PRELID2: variants seen among roughly 807,000 people sequenced by gnomAD.
PRELID2 encodes the protein PRELI domain containing 2.
Under a neutral mutation model 28.4 loss-of-function variants are expected in PRELID2, and 25 were observed. That is an observed-to-expected ratio of 0.88 (90% CI 0.64 to 1.23). The LOEUF is 1.23. Ranked by LOEUF, PRELID2 falls within the 50% of genes most tolerant of loss-of-function variation. The pLI is 0.00. For missense variants in PRELID2, 201 were observed against 214.4 expected, an observed-to-expected ratio of 0.94 and a Z score of 0.39; for synonymous variants, 76 against 71.6, an observed-to-expected ratio of 1.06 and a Z score of -0.31.
chr5:145,374,667 C>G, the PRELID2 span, among the ~76,000 whole-genome samples: 40 of 151,700 alleles, frequency 2.6e-4, no homozygotes, highest in Non-Finnish European at 5.4e-4. Flanking sequence ...TTCTTGGAGG[C>G]TTTGTTCATT....
intron 1 of PRELID2, among the ~76,000 whole-genome samples, chr5:145,549,400 A>G (rs1032959648): frequency 2.0e-5 from 3 of 152,196 alleles, no homozygotes; most frequent in Non-Finnish European, 4.4e-5. Flanking sequence ...TAGATACCAA[A>G]CTAGTATTTA....
the PRELID2 span, among the ~76,000 whole-genome samples, chr5:145,282,054 C>A: frequency 6.6e-6 from 1 of 152,038 alleles, no homozygotes; most frequent in African/African-American, 2.4e-5. Context: ...TAAGAATAGC[C>A]TTTTTAATAC....
At chr5:145,684,517 T>C (rs61352712) in intron 1 of PRELID2, among the ~76,000 whole-genome samples, 1 of 152,192 alleles carries the variant, frequency 6.6e-6, no homozygotes, top group Admixed American at 6.6e-5. Flanking sequence ...ATTTTGTGCT[T>C]GCCCATGTGC....
At chr5:145,417,553 T>C in the PRELID2 span, among the ~76,000 whole-genome samples, 2,959 of 152,212 alleles carry the variant, frequency 0.019, 101 homozygotes, top group African/African-American at 0.067. Flanking sequence ...TCCACCATGA[T>C]CAAGTTGGCT....
chr5:145,527,139 G>C (rs528948130), intron 1 of PRELID2, among the ~76,000 whole-genome samples: 1 of 152,170 alleles, frequency 6.6e-6, no homozygotes, highest in Non-Finnish European at 1.5e-5. Flanking sequence ...AAATGGCTGT[G>C]TCTATAAAAG....
intron 1 of PRELID2, among the ~76,000 whole-genome samples, chr5:145,520,292 G>A (rs1361060303): frequency 6.6e-6 from 1 of 152,140 alleles, no homozygotes; most frequent in African/African-American, 2.4e-5. Flanking sequence ...TTCTGAACTG[G>A]TGGTAAAGGC....
At chr5:145,512,752 T>C (rs769950887) in intron 1 of PRELID2, among the ~76,000 whole-genome samples, 7 of 152,102 alleles carry the variant, frequency 4.6e-5, no homozygotes, top group African/African-American at 7.2e-5. Context: ...TGGCATCTGG[T>C]GGGTGCCCCT....
chr5:145,529,001 C>A (rs1035819264), intron 1 of PRELID2, among the ~76,000 whole-genome samples: 1 of 152,180 alleles, frequency 6.6e-6, no homozygotes, highest in African/African-American at 2.4e-5. Context: ...TACCCAACAT[C>A]TCCCTCCGTT....
intron 1 of PRELID2, among the ~76,000 whole-genome samples, chr5:145,690,597 G>A (rs1755128829): frequency 6.6e-6 from 1 of 152,174 alleles, no homozygotes; most frequent in Non-Finnish European, 1.5e-5. Flanking sequence ...TCCAGAAATG[G>A]GTCCTGGTGC....
chr5:145,351,474 C>A, the PRELID2 span, among the ~76,000 whole-genome samples: 2 of 152,160 alleles, frequency 1.3e-5, no homozygotes, highest in Non-Finnish European at 2.9e-5. Flanking sequence ...ATGGAGGGAA[C>A]AACCCCCAAG....
chr5:145,276,226 A>G, the PRELID2 span, among the ~76,000 whole-genome samples: 3 of 152,302 alleles, frequency 2.0e-5, no homozygotes, highest in Admixed American at 2.0e-4. Context: ...ATGGAAGCAC[A>G]TTAATGACAA....
the PRELID2 span, among the ~76,000 whole-genome samples, chr5:145,403,243 T>A: frequency 6.6e-6 from 1 of 152,130 alleles, no homozygotes; most frequent in East Asian, 1.9e-4. Flanking sequence ...AAAGTAGTTT[T>A]AAAAGGGACC....
intron 1 of PRELID2, among the ~76,000 whole-genome samples, chr5:145,483,617 A>G (rs545560545): frequency 6.6e-6 from 1 of 152,332 alleles, no homozygotes; most frequent in South Asian, 2.1e-4. Context: ...TTGTATTACC[A>G]ACTTAAGACC....
intron 1 of PRELID2, among the ~76,000 whole-genome samples, chr5:145,477,716 A>C (rs563630735): frequency 1.8e-4 from 27 of 152,348 alleles, no homozygotes; most frequent in Non-Finnish European, 1.0e-4. Context: ...GCCCTACAAA[A>C]TGAACCAAGA....
intron 5 of PRELID2, among the ~76,000 whole-genome samples, chr5:145,775,671 C>G (rs1561593747): frequency 6.6e-6 from 1 of 152,180 alleles, no homozygotes; most frequent in Non-Finnish European, 1.5e-5. Flanking sequence ...CCTTCACTTC[C>G]CACTAAAAGC....
the PRELID2 span, among the ~76,000 whole-genome samples, chr5:145,403,189 T>G: frequency 3.4e-4 from 51 of 152,222 alleles, no homozygotes; most frequent in African/African-American, 1.2e-3. Context: ...ATCCAGAGTG[T>G]CCAATCTCCT....
In PRELID2 at chr5:145,759,912, A is replaced by C. The variant is rs776150318; in HGVS notation, c.*624T>G. The C allele has an allele frequency of 6.6e-6, 1 of 152,114 alleles. No individual in the cohort carries two copies. The highest frequency in any genetic ancestry group is 2.4e-5 in the African/African-American group (1 of 41,400). 9.4% of individuals were successfully genotyped at this position (152,114 alleles called of 1,614,324 possible). On this transcript the variant is annotated 3_prime_UTR_variant, in exon 7 of 7. Transcript: ENST00000683046. ...TCCAGAGGACCAAATCACAGTTTAC[A>C]TATTACATTCTAAAAGCTATACTTA...
intron 1 of PRELID2, among the ~76,000 whole-genome samples, chr5:145,601,380 C>T (rs1753394671): frequency 6.6e-6 from 1 of 152,038 alleles, no homozygotes; most frequent in Non-Finnish European, 1.5e-5. Context: ...AAATCACCAG[C>T]CCCGTTGATG....
the PRELID2 span, among the ~76,000 whole-genome samples, chr5:145,416,948 T>C: frequency 1.3e-5 from 2 of 151,878 alleles, no homozygotes; most frequent in Non-Finnish European, 2.9e-5. Flanking sequence ...GTTAGTTACA[T>C]CCTAGATAAA....
Sources: gnomAD v4.1 joint callset for allele counts (sites outside exome capture counted in the v4.1 genomes callset) on GRCh38, gnomAD v4.1.1 for gene constraint, MANE v1.5 for transcripts, NCBI Gene and HGNC (gene_info 2026-07-23, HGNC 2026-07-21) for gene names.